DRC8: variants seen among roughly 807,000 people sequenced by gnomAD.
DRC8 encodes the protein dynein regulatory complex protein 8.
the DRC8 span, among the ~76,000 whole-genome samples, chr1:245,100,790 A>AAAT: frequency 0.04 from 6,070 of 150,584 alleles, 149 homozygotes; most frequent in African/African-American, 0.069. Flanking sequence ...TCAACAAAAT[A>AAAT]AATAATAATA....
At chr1:245,077,425 TG>T in the DRC8 span, among the ~76,000 whole-genome samples, 1 of 152,166 alleles carries the variant, frequency 6.6e-6, no homozygotes, top group Admixed American at 6.5e-5. Context: ...ACCATAATAA[TG>T]TAAGAGTTAA....
chr1:245,088,646 C>A, the DRC8 span, among the ~76,000 whole-genome samples: 25 of 152,162 alleles, frequency 1.6e-4, no homozygotes, highest in East Asian at 7.7e-4. The surrounding 1 kb of genome is among the most constrained non-coding windows in gnomAD (Gnocchi z 4.6). Context: ...GTGCAAGTGC[C>A]GAAGAGAGGC....
chr1:245,120,745 C>T, the DRC8 span, among the ~76,000 whole-genome samples: 235 of 152,348 alleles, frequency 1.5e-3, 2 homozygotes, highest in African/African-American at 4.7e-3. Context: ...CCTGTCACTT[C>T]GCACCTTAAA....
chr1:245,070,604 A>G, the DRC8 span, among the ~76,000 whole-genome samples: 1 of 152,210 alleles, frequency 6.6e-6, no homozygotes, highest in Non-Finnish European at 1.5e-5. Flanking sequence ...AAGCAGTTAG[A>G]TTGGAATAAT....
chr1:244,992,873 T>C, the DRC8 span, among the ~76,000 whole-genome samples: 8 of 152,238 alleles, frequency 5.3e-5, no homozygotes, highest in African/African-American at 1.9e-4. Flanking sequence ...TTATCTCTCA[T>C]AATTTCTGGC....
the DRC8 span, among the ~76,000 whole-genome samples, chr1:245,081,320 C>T: frequency 2.6e-4 from 40 of 151,808 alleles, no homozygotes; most frequent in Non-Finnish European, 4.0e-4. Context: ...CACCACCATG[C>T]CTGGCTAATT....
chr1:245,065,792 T>A, the DRC8 span, among the ~76,000 whole-genome samples: 1 of 151,662 alleles, frequency 6.6e-6, no homozygotes, highest in Non-Finnish European at 1.5e-5. Context: ...CTTGATTCTT[T>A]GGAATAGAGT....
chr1:245,095,171 T>C, the DRC8 span, among the ~76,000 whole-genome samples: 1 of 152,218 alleles, frequency 6.6e-6, no homozygotes, highest in African/African-American at 2.4e-5. Context: ...GGGATGGCTT[T>C]GCACTGGCTC....
the DRC8 span, chr1:244,970,659 TCTCTCCCCCGCCCCGCCCCGC>T: frequency 1.4e-4 from 5 of 35,354 alleles, no homozygotes; most frequent in Non-Finnish European, 2.2e-4. Context: ...CCGCCCCGCC[TCTCTCCCCCGCCCCGCCCCGC>T]CTCTCTCCCC....
the DRC8 span, among the ~76,000 whole-genome samples, chr1:245,018,084 G>A: frequency 1.3e-5 from 2 of 152,000 alleles, no homozygotes; most frequent in South Asian, 2.1e-4. Context: ...AAAACTAGCC[G>A]GGCACGATGG....
the DRC8 span, chr1:245,087,469 G>A: frequency 7.0e-7 from 1 of 1,420,792 alleles, no homozygotes; most frequent in Non-Finnish European, 9.1e-7. Flanking sequence ...AATACCTTGT[G>A]ACATAACTAT....
At chr1:245,081,149 T>C in the DRC8 span, among the ~76,000 whole-genome samples, 1 of 149,762 alleles carries the variant, frequency 6.7e-6, no homozygotes, top group Non-Finnish European at 1.5e-5. Context: ...TATTTTTTAT[T>C]TTTTTATTTA....
the DRC8 span, among the ~76,000 whole-genome samples, chr1:245,112,755 C>T: frequency 1.3e-5 from 2 of 151,354 alleles, no homozygotes; most frequent in Non-Finnish European, 2.9e-5. Context: ...CTTCATGTTA[C>T]CTTTTTTTTT....
chr1:245,070,967 G>T, the DRC8 span, among the ~76,000 whole-genome samples: 2 of 152,204 alleles, frequency 1.3e-5, no homozygotes, highest in African/African-American at 2.4e-5. Context: ...CCCTCTGGGG[G>T]CCACAGCATT....
At chr1:244,970,443 G>A in the DRC8 span, 83 of 1,531,310 alleles carry the variant, frequency 5.4e-5, 3 homozygotes, top group Middle Eastern at 1.6e-3. Context: ...GGACAGGGAA[G>A]GTAAGGTAGG....
the DRC8 span, among the ~76,000 whole-genome samples, chr1:244,975,047 CAGCCTCCCGAGT>C: frequency 6.6e-6 from 1 of 152,168 alleles, no homozygotes; most frequent in South Asian, 2.1e-4. Flanking sequence ...TCTCCTGCCT[CAGCCTCCCGAGT>C]AGCTGGGACT....
chr1:245,063,442 T>C, the DRC8 span, among the ~76,000 whole-genome samples: 1 of 152,230 alleles, frequency 6.6e-6, no homozygotes, highest in African/African-American at 2.4e-5. Context: ...TAATTCCTTT[T>C]GCGATTTTAG....
the DRC8 span, among the ~76,000 whole-genome samples, chr1:245,035,781 C>T: frequency 2.6e-5 from 4 of 151,180 alleles, no homozygotes; most frequent in African/African-American, 7.3e-5. Context: ...GCAGGAGAAT[C>T]GCTGGAACCT....
chr1:245,072,369 A>G, the DRC8 span, among the ~76,000 whole-genome samples: 4 of 152,142 alleles, frequency 2.6e-5, no homozygotes, highest in Non-Finnish European at 4.4e-5. Flanking sequence ...CTTCCCAAGC[A>G]GCTGGGGTTA....
Sources: gnomAD v4.1 joint callset for allele counts (sites outside exome capture counted in the v4.1 genomes callset) on GRCh38, gnomAD v4.1.1 for gene constraint, Gnocchi (gnomAD v3.1) non-coding constraint, MANE v1.5 for transcripts, NCBI Gene and HGNC (gene_info 2026-07-23, HGNC 2026-07-21) for gene names.